Variants in PLCG2 observed in about 807,000 individuals in gnomAD.
PLCG2 encodes 1-phosphatidylinositol 4,5-bisphosphate phosphodiesterase gamma-2.
Under a neutral mutation model 175.6 loss-of-function variants are expected in PLCG2, and 69 were observed. The observed-to-expected ratio is 0.39, with a 90% CI of 0.32 to 0.48. The LOEUF (loss-of-function observed/expected upper bound fraction) is 0.48. Among genes scored for constraint, PLCG2 ranks in the 20% least tolerant of loss-of-function variants. PLCG2 has a pLI of 0.91. For synonymous variants in PLCG2, 827 were observed against 624.0 expected, an observed-to-expected ratio of 1.33 and a Z score of -4.85; for missense variants, 1,798 against 1,650.9, an observed-to-expected ratio of 1.09 and a Z score of -1.54.
intron 1 of PLCG2, among the ~76,000 whole-genome samples, chr16:81,783,658 C>G (rs940020062): frequency 8.5e-5 from 13 of 152,126 alleles, no homozygotes; most frequent in Admixed American, 8.5e-4. Context: ...ATAAATGAGA[C>G]GAACCAGACA....
intron 2 of PLCG2, among the ~76,000 whole-genome samples, chr16:81,787,813 A>G (rs756150521): frequency 6.6e-6 from 1 of 152,118 alleles, no homozygotes; most frequent in African/African-American, 2.4e-5. Flanking sequence ...CATTTCATAG[A>G]AATGGATCCT....
At chr16:81,773,062 A>C (rs902713311) in intron 2 of PLCG2, among the ~76,000 whole-genome samples, 2 of 152,110 alleles carry the variant, frequency 1.3e-5, no homozygotes, top group African/African-American at 4.8e-5. Flanking sequence ...TCCTAAATAT[A>C]CTGCCAAATG....
intron 2 of PLCG2, among the ~76,000 whole-genome samples, chr16:81,834,876 C>G (rs1284502214): frequency 6.6e-6 from 1 of 152,174 alleles, no homozygotes; most frequent in East Asian, 1.9e-4. Flanking sequence ...CTGGATTCCT[C>G]TTGGGTGGAT....
chr16:81,771,784 T>C (rs1910286685), intron 2 of PLCG2, among the ~76,000 whole-genome samples: 1 of 151,110 alleles, frequency 6.6e-6, no homozygotes, highest in Non-Finnish European at 1.5e-5. Flanking sequence ...TTTTGTTTGC[T>C]TGTTTGTTTG....
intron 32 of PLCG2, among the ~76,000 whole-genome samples, chr16:81,957,715 T>C (rs77062744): frequency 0.019 from 2,953 of 152,196 alleles, 107 homozygotes; most frequent in African/African-American, 0.066. Flanking sequence ...CACATTATTC[T>C]CATTGAATCT....
chr16:81,800,511 C>T (rs113699477), intron 2 of PLCG2, among the ~76,000 whole-genome samples: 34,249 of 151,992 alleles, frequency 0.23, 4,180 homozygotes, highest in African/African-American at 0.27. Context: ...TGATGGCTTC[C>T]AGCTTCATCT....
At chr16:81,883,443 C>T (rs1908192965) in intron 9 of PLCG2, 102 bp downstream of exon 9, 10 of 850,230 alleles carry the variant, frequency 1.2e-5, no homozygotes, top group Non-Finnish European at 1.7e-5. Context: ...CACCTGTGCT[C>T]ACCTGGCCAC....
At chr16:81,853,450 A>G (rs766835706) in intron 2 of PLCG2, among the ~76,000 whole-genome samples, 1 of 152,016 alleles carries the variant, frequency 6.6e-6, no homozygotes, top group Non-Finnish European at 1.5e-5. Context: ...TTCATAGAAG[A>G]CAGTTTTTCC....
chr16:81,752,920 C>A (rs895224531), intron 1 of PLCG2, among the ~76,000 whole-genome samples: 2 of 152,278 alleles, frequency 1.3e-5, no homozygotes, highest in Non-Finnish European at 2.9e-5. Context: ...TTTGGGCAGG[C>A]TGCTTTTCTC....
chr16:81,769,211 C>T (rs1226061352), intron 2 of PLCG2, among the ~76,000 whole-genome samples: 5 of 152,314 alleles, frequency 3.3e-5, no homozygotes, highest in Admixed American at 1.3e-4. Context: ...AAATGGTTGC[C>T]GCAGGTAAAA....
At chr16:81,803,745 G>T (rs567230695) in intron 2 of PLCG2, among the ~76,000 whole-genome samples, 2 of 145,706 alleles carry the variant, frequency 1.4e-5, no homozygotes, top group Non-Finnish European at 3.0e-5. Context: ...GCAGTGGTGC[G>T]ATTTTGGTTC....
intron 31 of PLCG2, among the ~76,000 whole-genome samples, chr16:81,951,529 C>T (rs1165071262): frequency 6.6e-6 from 1 of 152,184 alleles, no homozygotes; most frequent in East Asian, 1.9e-4. Context: ...CAATTTCACT[C>T]CACCAAAGTA....
At position 81,869,316 on chromosome 16, in the gene PLCG2, G is replaced by C. The variant is rs765328526; in HGVS notation, c.564+18G>C. The C allele has an allele frequency of 6.3e-7, 1 of 1,580,534 alleles. No individual in the cohort carries two copies. Among genetic ancestry groups the C allele is most frequent in the Non-Finnish European group, 8.7e-7 (1 of 1,149,360 alleles). On this transcript the variant is annotated intron_variant, in intron 6 of 32. Coordinates refer to ENST00000564138, the MANE Select transcript of PLCG2 (RefSeq NM_002661.5). ...AGTTTGTGGTAAGTTTCATGGCTCA[G>C]CCTGGGAATTTTATGAATGCGGAGT... is the stretch of plus-strand genomic sequence containing the variant.
chr16:81,740,603 A>ATG (rs1462014030), intron 1 of PLCG2: 1 of 151,608 alleles, frequency 6.6e-6, no homozygotes, highest in African/African-American at 2.4e-5. Context: ...GTGTGGTGGT[A>ATG]TGTGCCTGCA....
At position 81,908,518 on chromosome 16, in the gene PLCG2, A is replaced by C; in HGVS notation, c.1660A>C (p.Thr554Pro). Residue 554 changes from threonine to proline, a missense_variant, in exon 17 of 33, where the codon ACG (threonine) becomes CCG (proline). Physicochemically the swap from Thr to Pro is conservative, Grantham distance 38. Coordinates refer to ENST00000564138, the MANE Select transcript of PLCG2 (RefSeq NM_002661.5). ...EKLLQEYCME[T>P]GGKDGTFLVR... Reference sequence around the variant, plus strand: ...GTTGCTGCAGGAATACTGCATGGAGACGGGGGGCAAGGATGGCACCTTCCT... The same window carrying C: ...GTTGCTGCAGGAATACTGCATGGAGCCGGGGGGCAAGGATGGCACCTTCCT... 6.2e-7 allele frequency: 1 copy of C among 1,613,850 alleles called. No homozygotes were observed. Among genetic ancestry groups the C allele is most frequent in the Non-Finnish European group, 8.5e-7 (1 of 1,179,976 alleles).
intron 14 of PLCG2, among the ~76,000 whole-genome samples, chr16:81,901,888 G>A (rs574666277): frequency 6.6e-6 from 1 of 152,340 alleles, no homozygotes; most frequent in Non-Finnish European, 1.5e-5. Context: ...ATATAATTGA[G>A]TTTCCTTTGT....
intron 2 of PLCG2, among the ~76,000 whole-genome samples, chr16:81,803,633 TTCCCTCCCTCCCTCCC>T (rs61352183): frequency 0.33 from 28,855 of 88,400 alleles, 4,022 homozygotes; most frequent in Non-Finnish European, 0.43. Context: ...TCTTTTCTTC[TTCCCTCCCTCCCTCCC>T]TCCCTCCCTC....
intron 2 of PLCG2, among the ~76,000 whole-genome samples, chr16:81,805,148 T>C (rs1911936600): frequency 6.6e-6 from 1 of 151,982 alleles, no homozygotes; most frequent in Non-Finnish European, 1.5e-5. Flanking sequence ...TAGGGGAAAA[T>C]ATTTATGAAA....
At chr16:81,947,097 G>A (rs974800847) in intron 31 of PLCG2, among the ~76,000 whole-genome samples, 1 of 152,128 alleles carries the variant, frequency 6.6e-6, no homozygotes, top group African/African-American at 2.4e-5. Context: ...GCCTAGGCCC[G>A]CTGCTCTGCA....
Sources: gnomAD v4.1 joint callset for allele counts (sites outside exome capture counted in the v4.1 genomes callset) on GRCh38, gnomAD v4.1.1 for gene constraint, MANE v1.5 for transcripts, NCBI Gene and HGNC (gene_info 2026-07-23, HGNC 2026-07-21) for gene names.